Variants in PARP12 observed in about 807,000 individuals in gnomAD.
The protein encoded by PARP12 is protein mono-ADP-ribosyltransferase PARP12.
In PARP12, 59 loss-of-function variants were observed where a neutral mutation model predicts 72.4. That is an observed-to-expected ratio of 0.81 (90% CI 0.66 to 1.01). The LOEUF (loss-of-function observed/expected upper bound fraction) is 1.01, where lower values mean the gene tolerates loss of function less well. Among genes scored for constraint, PARP12 ranks in the 50% least tolerant of loss-of-function variants. The pLI, the probability that PARP12 is intolerant of heterozygous loss-of-function variation, is 0.00. For missense variants in PARP12, 851 were observed against 914.0 expected (o/e 0.93, Z 0.89); for synonymous variants, 403 against 371.4 (o/e 1.09, Z -0.98).
rs1195675397 is a variant in PARP12, at chr7:140,027,301, GGTTCTGT to G, written c.1596_1602del (p.Gln533TrpfsTer118). On this transcript the variant is annotated frameshift_variant, in exon 10 of 12. Transcript: ENST00000263549. LOFTEE classifies it high-confidence loss of function. ...CACTGGTAGACTTCCCAGAGGGCCAGGTTCTGTACTCGCTCAATCTTCTGAACAAAGT... is the reference window on the plus strand; with the variant it reads ...CACTGGTAGACTTCCCAGAGGGCCAGACTCGCTCAATCTTCTGAACAAAGT... 2 of 1,613,868 alleles carry G rather than the reference GGTTCTGT, an allele frequency of 1.2e-6. No homozygotes were observed.
At chr7:140,048,607 T>C (rs997343603) in intron 4 of PARP12, among the ~76,000 whole-genome samples, 16 of 152,284 alleles carry the variant, frequency 1.1e-4, no homozygotes, top group Non-Finnish European at 2.1e-4. Flanking sequence ...AAAAAGTAAG[T>C]TTAGACATAT....
intron 2 of PARP12, chr7:140,057,655 AAAG>A: frequency 1.9e-6 from 1 of 524,444 alleles, no homozygotes; most frequent in Admixed American, 3.3e-5. Flanking sequence ...CAGAGAAGTT[AAAG>A]AATCAGCCCT....
chr7:140,062,743 G>A lies in PARP12; in HGVS notation c.105C>T (p.Ser35=), dbSNP rs963621323. The change falls in exon 1 of 12, where the codon AGC becomes AGT. Residue 35 remains serine (S), a synonymous_variant. Coordinates refer to ENST00000263549, the MANE Select transcript of PARP12 (RefSeq NM_022750.4). The stretch of plus-strand genomic sequence containing the variant: ...GCAGCAGCCGCTCCAGCGCGTCGGC[G>A]CTCAAGCCCATCCGCAAGCGGCGCC... ...ELRRRLRMGL[S]ADALERLLRQ... The A allele has an allele frequency of 3.6e-6, 5 of 1,379,466 alleles. No homozygotes were observed. Among genetic ancestry groups the A allele is most frequent in the Non-Finnish European group, 3.8e-6 (4 of 1,060,526 alleles). 85.5% of individuals were successfully genotyped at this position (1,379,466 alleles called of 1,614,324 possible).
At chr7:140,058,524 G>T (rs1817290978) in intron 1 of PARP12, among the ~76,000 whole-genome samples, 1 of 151,454 alleles carries the variant, frequency 6.6e-6, no homozygotes, top group South Asian at 2.1e-4. Context: ...GAAGAGATTG[G>T]GGCACAGACA....
rs558487019 is a variant in PARP12 at position 140,044,196 on chromosome 7, ACTAT to A, written c.987-2361_987-2358del. Reference sequence around the variant, plus strand: ...AAAACAGCCAGAGAGAAAAAAACAGACTATCTATTATACTGGATTGAATTGTGTC... The same window carrying A: ...AAAACAGCCAGAGAGAAAAAAACAGACTATTATACTGGATTGAATTGTGTC... On this transcript the variant is annotated intron_variant, in intron 5 of 11. Transcript: ENST00000263549. 4.5e-3 allele frequency among the ~76,000 whole-genome samples: 690 copies of A among 152,338 alleles called. 4 individuals carry two copies. The highest frequency in any genetic ancestry group is 0.015 in the African/African-American group (639 of 41,578).
intron 4 of PARP12, among the ~76,000 whole-genome samples, chr7:140,049,173 G>A (rs1363098823): frequency 3.3e-5 from 5 of 152,148 alleles, no homozygotes; most frequent in African/African-American, 4.8e-5. Context: ...GTATGGGGCC[G>A]AGCAGACAGG....
intron 11 of PARP12, chr7:140,025,212 T>C (rs1815685655): frequency 5.7e-6 from 2 of 347,932 alleles, no homozygotes; most frequent in Admixed American, 4.1e-5. Flanking sequence ...TCCTCAGGCA[T>C]AAAATGGGGC....
chr7:140,034,364 C>T, intron 7 of PARP12, 33 bp from the exon 8 acceptor site: 2 of 1,475,062 alleles, frequency 1.4e-6, no homozygotes, highest in African/African-American at 1.4e-5. Flanking sequence ...AAAAAATATA[C>T]ATATACATAT....
chr7:140,060,167 G>T lies in PARP12; in HGVS notation c.327-2133C>A, dbSNP rs535363167. On this transcript the variant is annotated intron_variant, in intron 1 of 11. Coordinates refer to ENST00000263549, the MANE Select transcript of PARP12 (RefSeq NM_022750.4). ...ATATCATTAACTCCACTTTGCAGAT[G>T]AGGGAACTGAGACCTGGAGGTAAAG... Among the ~76,000 whole-genome samples the T allele has an allele frequency of 1.6e-4, 24 of 152,306 alleles. No homozygotes were observed. In the South Asian group the frequency reaches 3.3e-3, roughly 21 times the overall value.
At position 140,027,345 on chromosome 7, in the gene PARP12, G is replaced by A. The variant is rs777898652; in HGVS notation, c.1559C>T (p.Thr520Met). ...YQKVWNLFNR[T>M]LPFYFVQKIE... Reference sequence around the variant, plus strand: ...CTTCTGAACAAAGTAGAAAGGCAGCGTGCGGTTAAAGAGGTTCCAGACCTT... The same window carrying A: ...CTTCTGAACAAAGTAGAAAGGCAGCATGCGGTTAAAGAGGTTCCAGACCTT... The change falls in exon 10 of 12, where the codon ACG becomes ATG. Residue 520 changes from threonine to methionine, a missense_variant. Physicochemically the swap from Thr to Met is moderately conservative, Grantham distance 81. This residue lies in a region of PARP12 where 347 missense variants were observed against 396.1 expected (regional missense o/e 0.88). Transcript: ENST00000263549. The A allele has an allele frequency of 6.8e-6, 11 of 1,614,114 alleles. No homozygotes were observed. The highest frequency in any genetic ancestry group is 9.3e-6 in the Non-Finnish European group (11 of 1,179,976).
intron 7 of PARP12, 173 bp from the exon 8 acceptor site, chr7:140,034,504 G>T: frequency 2.0e-6 from 1 of 492,722 alleles, no homozygotes; most frequent in South Asian, 2.1e-5. Context: ...TATTCATAAA[G>T]AAAATAGGTA....
intron 1 of PARP12, among the ~76,000 whole-genome samples, chr7:140,060,236 T>C (rs1185204047): frequency 6.6e-6 from 1 of 152,160 alleles, no homozygotes; most frequent in Non-Finnish European, 1.5e-5. Context: ...AGAGCCCAGG[T>C]TGAAACAAGG....
chr7:140,062,931 G>A lies in PARP12; in HGVS notation c.-84C>T, dbSNP rs1817539290. The stretch of plus-strand genomic sequence containing the variant: ...CTGGCTGGCGGGCGGCTCTCGCAGG[G>A]TGGAGACGCCGGCGGGAAACGAAAC... On this transcript the variant is annotated 5_prime_UTR_variant, in exon 1 of 12. Coordinates refer to ENST00000263549, the MANE Select transcript of PARP12 (RefSeq NM_022750.4). The A allele has an allele frequency of 6.3e-6, 7 of 1,110,496 alleles. No homozygotes were observed. Among genetic ancestry groups the A allele is most frequent in the Non-Finnish European group, 7.9e-6 (7 of 887,108 alleles). 68.8% of individuals were successfully genotyped at this position (1,110,496 alleles called of 1,614,324 possible).
At chr7:140,025,615 GAA>G (rs1380638168) in intron 11 of PARP12, 1 of 450,626 alleles carries the variant, frequency 2.2e-6, no homozygotes, top group Non-Finnish European at 4.5e-6. Context: ...GAGGGAGAGA[GAA>G]AGAGAGAAGT....
At position 140,051,834 on chromosome 7, in the gene PARP12, G is replaced by A. The variant is rs912070186; in HGVS notation, c.862+2828C>T. Among the ~76,000 whole-genome samples the A allele has an allele frequency of 1.8e-4, 27 of 152,222 alleles. No individual in the cohort carries two copies. The East Asian group carries it at 4.8e-3, about 27-fold the overall frequency. On this transcript the variant is annotated intron_variant, in intron 4 of 11. Coordinates refer to ENST00000263549, the MANE Select transcript of PARP12 (RefSeq NM_022750.4). ...GAATGAGCAGCAGCCTTGTGGTGGT[G>A]GAGAAGGACCCTCTGGTGAAGCTTT...
At chr7:140,059,190 C>A (rs556177181) in intron 1 of PARP12, among the ~76,000 whole-genome samples, 2 of 152,206 alleles carry the variant, frequency 1.3e-5, no homozygotes, top group South Asian at 2.1e-4. Context: ...GGAGATGGGG[C>A]CTTGCAAGGT....
chr7:140,037,953 T>G lies in PARP12; in HGVS notation c.1183-97A>C, dbSNP rs1319170878. ...CGCCACATTTCAGAGGTGCTCCTGG[T>G]GGACAGTCCTGTGGTGGGGAAGATG... On this transcript the variant is annotated intron_variant, in intron 6 of 11. Coordinates refer to ENST00000263549, the MANE Select transcript of PARP12 (RefSeq NM_022750.4). 3 of 1,515,384 alleles carry G rather than the reference T, an allele frequency of 2.0e-6. No individual in the cohort carries two copies. The African/African-American group carries it at 4.1e-5, about 21-fold the overall frequency. The allele number at this position is 1,515,384 out of a possible 1,614,324, so 93.9% of individuals were successfully genotyped here.
chr7:140,036,964 G>C (rs185140695), intron 7 of PARP12, among the ~76,000 whole-genome samples: 1 of 152,054 alleles, frequency 6.6e-6, no homozygotes, highest in Non-Finnish European at 1.5e-5. Flanking sequence ...TGCTTCTCAG[G>C]GACTTTCAAT....
chr7:140,041,610 G>T, intron 6 of PARP12, 34 bp downstream of exon 6: 1 of 1,592,990 alleles, frequency 6.3e-7, no homozygotes, highest in South Asian at 1.1e-5. Context: ...AGATCCTCAG[G>T]ACAAAACATT....
Sources: gnomAD v4.1 joint callset for allele counts (sites outside exome capture counted in the v4.1 genomes callset) on GRCh38, gnomAD v4.1.1 for gene constraint, gnomAD v4.1.1 regional missense constraint, MANE v1.5 for transcripts, NCBI Gene and HGNC (gene_info 2026-07-23, HGNC 2026-07-21) for gene names.